AGMO: variants seen among roughly 807,000 people sequenced by gnomAD.
AGMO encodes the protein glyceryl-ether monooxygenase.
Under a neutral mutation model 60.2 loss-of-function variants are expected in AGMO, and 75 were observed. That is an observed-to-expected ratio of 1.25 (90% CI 1.03 to 1.51). The LOEUF (loss-of-function observed/expected upper bound fraction) is 1.51. Among genes scored for constraint, AGMO ranks in the 40% most tolerant of loss-of-function variants. The pLI is 0.00. For synonymous variants in AGMO, 261 were observed against 177.1 expected, an observed-to-expected ratio of 1.47 and a Z score of -3.76; for missense variants, 763 against 525.5, an observed-to-expected ratio of 1.45 and a Z score of -4.42.
At chr7:15,438,648 C>G (rs543560216) in intron 3 of AGMO, among the ~76,000 whole-genome samples, 4 of 152,210 alleles carry the variant, frequency 2.6e-5, no homozygotes, top group African/African-American at 9.6e-5. Context: ...TCCTCTGCAA[C>G]AGCAATCAAC....
chr7:15,505,022 C>T (rs1562540903), intron 3 of AGMO, among the ~76,000 whole-genome samples: 1 of 151,870 alleles, frequency 6.6e-6, no homozygotes, highest in Non-Finnish European at 1.5e-5. Flanking sequence ...TCCAGGTCTT[C>T]AATTTTGTAA....
At chr7:15,144,874 G>A in the AGMO span, among the ~76,000 whole-genome samples, 10 of 152,202 alleles carry the variant, frequency 6.6e-5, no homozygotes, top group Admixed American at 6.5e-4. Flanking sequence ...CTGCCGCCCA[G>A]GCTGGAGTGC....
At chr7:15,551,355 T>C (rs1784955015) in intron 2 of AGMO, among the ~76,000 whole-genome samples, 1 of 149,760 alleles carries the variant, frequency 6.7e-6, no homozygotes, top group African/African-American at 2.5e-5. Flanking sequence ...GGGTATTCAA[T>C]TAGGAAAAGA....
the AGMO span, among the ~76,000 whole-genome samples, chr7:15,178,557 T>TC: frequency 3.3e-5 from 5 of 152,114 alleles, no homozygotes; most frequent in Non-Finnish European, 7.4e-5. Flanking sequence ...CTGCTTTTTT[T>TC]CCTCTATCTG....
the AGMO span, among the ~76,000 whole-genome samples, chr7:15,118,136 G>T: frequency 6.9e-6 from 1 of 145,904 alleles, no homozygotes; most frequent in African/African-American, 2.6e-5. Flanking sequence ...TGAGAGTCAA[G>T]GTTAAATTGG....
chr7:15,192,746 G>A, the AGMO span, among the ~76,000 whole-genome samples: 33 of 152,160 alleles, frequency 2.2e-4, no homozygotes, highest in South Asian at 2.3e-3. Flanking sequence ...AAAAGTGCCC[G>A]CCCTGGCTCC....
chr7:15,211,807 A>C (rs1291649408), intron 12 of AGMO, among the ~76,000 whole-genome samples: 1 of 152,006 alleles, frequency 6.6e-6, no homozygotes, highest in Non-Finnish European at 1.5e-5. Context: ...ACACAATGGA[A>C]ATACATGCAT....
At chr7:15,324,874 G>A (rs1415874840) in intron 12 of AGMO, among the ~76,000 whole-genome samples, 1 of 152,192 alleles carries the variant, frequency 6.6e-6, no homozygotes, top group East Asian at 1.9e-4. Context: ...TTTGCCTGCT[G>A]CTCACCTCCT....
intron 3 of AGMO, among the ~76,000 whole-genome samples, chr7:15,439,025 A>G (rs1011065280): frequency 2.6e-5 from 4 of 152,184 alleles, no homozygotes; most frequent in Non-Finnish European, 4.4e-5. Flanking sequence ...TTTTAAAAGT[A>G]ACCAACTAGC....
chr7:15,331,604 T>A (rs115701211), intron 12 of AGMO, among the ~76,000 whole-genome samples: 2 of 152,096 alleles, frequency 1.3e-5, no homozygotes, highest in African/African-American at 2.4e-5. Flanking sequence ...TTGGCTGAGA[T>A]AGATTATATT....
At chr7:15,197,229 T>C (rs1781141722), downstream of AGMO, among the ~76,000 whole-genome samples, 1 of 152,094 alleles carries the variant, frequency 6.6e-6, no homozygotes, top group Non-Finnish European at 1.5e-5. Context: ...GGCGAGACAT[T>C]AAAAAGGAAG....
At chr7:15,226,138 C>CT (rs1436068744) in intron 12 of AGMO, among the ~76,000 whole-genome samples, 2 of 151,990 alleles carry the variant, frequency 1.3e-5, no homozygotes, top group African/African-American at 2.4e-5. Flanking sequence ...ATTTTACTGG[C>CT]TAAAATCTTA....
intron 2 of AGMO, 108 bp from the exon 3 acceptor site, chr7:15,545,031 A>T: frequency 2.5e-6 from 2 of 790,746 alleles, no homozygotes; most frequent in Non-Finnish European, 3.6e-6. Flanking sequence ...TAAAAAAATG[A>T]AACTCTTTCT....
At chr7:15,471,145 T>C (rs57583547) in intron 3 of AGMO, among the ~76,000 whole-genome samples, 1,911 of 152,068 alleles carry the variant, frequency 0.013, 34 homozygotes, top group African/African-American at 0.044. Context: ...TGCCCAATTG[T>C]CATCATTATC....
At chr7:15,435,845 T>C (rs1781383737) in intron 3 of AGMO, among the ~76,000 whole-genome samples, 1 of 152,190 alleles carries the variant, frequency 6.6e-6, no homozygotes, top group South Asian at 2.1e-4. Context: ...CCTACATATA[T>C]TAAATATCTA....
intron 12 of AGMO, among the ~76,000 whole-genome samples, chr7:15,355,515 A>C (rs1583449318): frequency 6.6e-6 from 1 of 151,448 alleles, no homozygotes; most frequent in Non-Finnish European, 1.5e-5. Flanking sequence ...AAAAAAAAAA[A>C]AAAAAAAAAG....
the AGMO span, among the ~76,000 whole-genome samples, chr7:15,175,299 C>A: frequency 6.6e-6 from 1 of 151,866 alleles, no homozygotes; most frequent in Non-Finnish European, 1.5e-5. Context: ...TCTTCCAGTA[C>A]AAAAGGGAGT....
At chr7:15,243,402 T>C (rs1219143358) in intron 12 of AGMO, among the ~76,000 whole-genome samples, 2 of 152,068 alleles carry the variant, frequency 1.3e-5, no homozygotes, top group Non-Finnish European at 2.9e-5. Context: ...GTTTTTTTTT[T>C]ACAAGTTAGA....
intron 3 of AGMO, among the ~76,000 whole-genome samples, chr7:15,521,409 G>C (rs529620152): frequency 6.6e-6 from 1 of 152,098 alleles, no homozygotes; most frequent in African/African-American, 2.4e-5. Flanking sequence ...GAAAATTTCA[G>C]GTCAATATCC....
Sources: allele counts gnomAD v4.1 joint callset (sites outside exome capture counted in the v4.1 genomes callset), GRCh38; gene constraint gnomAD v4.1.1; transcripts MANE v1.5; gene names NCBI Gene and HGNC (gene_info 2026-07-23, HGNC 2026-07-21).